PNKD: variants seen among roughly 807,000 people sequenced by gnomAD.
The protein encoded by PNKD is PNKD metallo-beta-lactamase domain containing, also known as probable thioesterase PNKD.
Under a neutral mutation model 45.3 loss-of-function variants are expected in PNKD, and 36 were observed. The observed-to-expected ratio is 0.80, with a 90% CI of 0.61 to 1.05. The LOEUF (loss-of-function observed/expected upper bound fraction) is 1.05. Ranked by LOEUF, PNKD falls within the 50% of genes least tolerant of loss-of-function variation. The pLI, the probability that PNKD is intolerant of heterozygous loss-of-function variation, is 0.00. For synonymous variants in PNKD, 197 were observed against 210.1 expected (o/e 0.94, Z 0.54); for missense variants, 511 against 506.6 (o/e 1.01, Z -0.08).
intron 2 of PNKD, among the ~76,000 whole-genome samples, chr2:218,324,138 G>T (rs1387840924): frequency 1.3e-5 from 2 of 150,104 alleles, no homozygotes; most frequent in African/African-American, 2.4e-5. Context: ...TTCCTTCCTG[G>T]CCCCAGGGGA....
In PNKD at chr2:218,299,203, G is replaced by A. The variant is rs576000572; in HGVS notation, c.236+27654G>A. Among the ~76,000 whole-genome samples the A allele has an allele frequency of 7.2e-5, 11 of 152,114 alleles. No homozygotes were observed. In the South Asian group the frequency reaches 2.3e-3, roughly 32 times the overall value. On this transcript the variant is annotated intron_variant, in intron 2 of 9. Transcript: ENST00000273077. ...TAGAGTGCAATGGCAGTGCAATGGCGCGATCTTGGCTCACTGCAACCTCCG... is the reference window on the plus strand; with the variant it reads ...TAGAGTGCAATGGCAGTGCAATGGCACGATCTTGGCTCACTGCAACCTCCG...
At chr2:218,288,244 T>C (rs971637347) in intron 2 of PNKD, among the ~76,000 whole-genome samples, 4 of 151,922 alleles carry the variant, frequency 2.6e-5, no homozygotes, top group Non-Finnish European at 5.9e-5. Context: ...CTGGCTAACA[T>C]GGTGAAACCC....
chr2:218,327,962 G>GAAAAAAAAAAAAAAAA (rs72151766), intron 2 of PNKD: 1 of 122,482 alleles, frequency 8.2e-6, no homozygotes. Context: ...AACTCCATCT[G>GAAAAAAAAAAAAAAAA]AAAAAAAAAA....
chr2:218,324,709 TGG>T (rs1694093893), intron 2 of PNKD, among the ~76,000 whole-genome samples: 1 of 151,728 alleles, frequency 6.6e-6, no homozygotes, highest in African/African-American at 2.4e-5. Flanking sequence ...CTGAGGCAGG[TGG>T]CTCTCCTGAG....
chr2:218,312,565 TA>T (rs5838691), intron 2 of PNKD, among the ~76,000 whole-genome samples: 45 of 141,372 alleles, frequency 3.2e-4, no homozygotes, highest in Non-Finnish European at 2.0e-4. Context: ...CCATGTTGTT[TA>T]AAAAAAAAAA....
chr2:218,341,714 G>A, intron 6 of PNKD, 88 bp downstream of exon 6: 2 of 1,035,146 alleles, frequency 1.9e-6, no homozygotes, highest in Non-Finnish European at 3.0e-6. Flanking sequence ...AGGGGTATCA[G>A]CAGGTGGATC....
chr2:218,299,750 T>C (rs926909888), intron 2 of PNKD, among the ~76,000 whole-genome samples: 4 of 151,548 alleles, frequency 2.6e-5, no homozygotes, highest in African/African-American at 9.7e-5. Flanking sequence ...GCCTCCCAAG[T>C]AGCTGGGATT....
At chr2:218,320,002 C>A (rs996082198) in intron 2 of PNKD, among the ~76,000 whole-genome samples, 1 of 152,166 alleles carries the variant, frequency 6.6e-6, no homozygotes, top group East Asian at 1.9e-4. Flanking sequence ...TGGGAATGAG[C>A]GTGGCACATT....
At chr2:218,332,830 C>T (rs1389718510) in intron 2 of PNKD, among the ~76,000 whole-genome samples, 2 of 152,140 alleles carry the variant, frequency 1.3e-5, no homozygotes, top group Non-Finnish European at 2.9e-5. Context: ...CAACCACCAG[C>T]CATTTTCCAC....
intron 2 of PNKD, chr2:218,282,252 C>G (rs1012089986): frequency 2.4e-5 from 21 of 870,376 alleles, no homozygotes; most frequent in Non-Finnish European, 3.5e-5. Context: ...GGGCCCACTT[C>G]CAGCCTTGTC....
intron 2 of PNKD, chr2:218,275,303 G>A: frequency 2.5e-6 from 2 of 787,424 alleles, no homozygotes; most frequent in Non-Finnish European, 1.9e-6. Context: ...TCCCCACCAA[G>A]TACCCACACA....
At chr2:218,320,394 G>A (rs970071894) in intron 2 of PNKD, among the ~76,000 whole-genome samples, 11 of 152,158 alleles carry the variant, frequency 7.2e-5, no homozygotes, top group African/African-American at 2.7e-4. Context: ...TTCAAAGTCT[G>A]CTCTTCTAGC....
chr2:218,320,705 C>A (rs1309282746), intron 2 of PNKD, among the ~76,000 whole-genome samples: 1 of 152,174 alleles, frequency 6.6e-6, no homozygotes, highest in African/African-American at 2.4e-5. Context: ...CTTTGGGGAA[C>A]AAAGAATAAA....
chr2:218,272,805 A>G, intron 2 of PNKD: 2 of 1,613,500 alleles, frequency 1.2e-6, no homozygotes, highest in Non-Finnish European at 1.7e-6. Context: ...TTAAGTCCTC[A>G]GGTTTGGCCC....
intron 2 of PNKD, among the ~76,000 whole-genome samples, chr2:218,315,120 C>CCTTCCTTTCTTTCTTTCTTTCTTTCTTT (rs1553667878): frequency 2.1e-5 from 1 of 47,104 alleles, no homozygotes; most frequent in Admixed American, 3.2e-4. Flanking sequence ...TTCCTTCCTT[C>CCTTCCTTTCTTTCTTTCTTTCTTTCTTT]CTTTCTTTCT....
chr2:218,334,929 G>C (rs979217249), intron 2 of PNKD, among the ~76,000 whole-genome samples: 2 of 151,912 alleles, frequency 1.3e-5, no homozygotes, highest in African/African-American at 4.8e-5. Flanking sequence ...GTGTGCTCTT[G>C]TGTGTTAGAA....
intron 2 of PNKD, among the ~76,000 whole-genome samples, chr2:218,297,955 G>A (rs1392786503): frequency 4.1e-5 from 6 of 146,706 alleles, no homozygotes; most frequent in East Asian, 4.0e-4. Flanking sequence ...CCGAGATCAC[G>A]CCACTGCACT....
chr2:218,311,329 A>G (rs1693610684), intron 2 of PNKD, among the ~76,000 whole-genome samples: 2 of 152,196 alleles, frequency 1.3e-5, no homozygotes, highest in African/African-American at 4.8e-5. Flanking sequence ...TAAGACACAG[A>G]GACAAAGTAT....
intron 2 of PNKD, among the ~76,000 whole-genome samples, chr2:218,312,015 G>GTTAACAAGGCACA (rs1197443842): frequency 6.6e-6 from 1 of 152,166 alleles, no homozygotes; most frequent in African/African-American, 2.4e-5. Context: ...CAAACATATT[G>GTTAACAAGGCACA]TTAACAAGGC....
Sources: gnomAD v4.1 joint callset for allele counts (sites outside exome capture counted in the v4.1 genomes callset) on GRCh38, gnomAD v4.1.1 for gene constraint, MANE v1.5 for transcripts, NCBI Gene and HGNC (gene_info 2026-07-23, HGNC 2026-07-21) for gene names.